The following SHQ1 variants were observed in gnomAD, a reference collection of about 807,000 sequenced individuals.
SHQ1 encodes protein SHQ1 homolog.
In SHQ1, 49 loss-of-function variants were observed where a neutral mutation model predicts 53.8. That is an observed-to-expected ratio of 0.91 (90% confidence interval 0.72 to 1.16). The LOEUF (loss-of-function observed/expected upper bound fraction) is 1.16, where lower values mean the gene tolerates loss of function less well. SHQ1 is among the 50% of genes most tolerant of loss of function. The pLI is 0.00. For synonymous variants in SHQ1, 243 were observed against 251.0 expected, an observed-to-expected ratio of 0.97 and a Z score of 0.30; for missense variants, 738 against 683.1, an observed-to-expected ratio of 1.08 and a Z score of -0.90.
chr3:72,726,544 GT>G, the SHQ1 span, among the ~76,000 whole-genome samples: 14 of 152,256 alleles, frequency 9.2e-5, 2 homozygotes, highest in South Asian at 2.9e-3. Flanking sequence ...TAGCAACGGG[GT>G]TTTGCCATGT....
chr3:72,825,361 TACACAC>T (rs61048915), intron 5 of SHQ1, among the ~76,000 whole-genome samples: 94 of 141,960 alleles, frequency 6.6e-4, no homozygotes, highest in South Asian at 1.9e-3. Flanking sequence ...TAAAAGGGGC[TACACAC>T]ACACACACAC....
chr3:72,757,384 T>C (rs1024425936), intron 10 of SHQ1, among the ~76,000 whole-genome samples: 29 of 150,012 alleles, frequency 1.9e-4, no homozygotes, highest in Non-Finnish European at 7.4e-5. Flanking sequence ...CTCTTTCCTT[T>C]TTTTTTTTTT....
In SHQ1 at chr3:72,750,331, G is replaced by A. The variant is rs571050907; in HGVS notation, c.1687C>T (p.Arg563Cys). 1.2e-4 allele frequency: 186 copies of A among 1,613,930 alleles called. No homozygotes were observed. Among genetic ancestry groups the A allele is most frequent in the South Asian group, 9.1e-4 (83 of 91,028 alleles). Residue 563 changes from arginine to cysteine, a missense_variant, in exon 11 of 11, where the codon CGC (arginine) becomes TGC (cysteine). Physicochemically the swap from Arg to Cys is radical, Grantham distance 180 (BLOSUM62 -3). Transcript: ENST00000325599. ...SEPKGTTAVN[R>C]SNIQERDGCQ... is the part of the protein sequence containing the mutation. The stretch of plus-strand genomic sequence containing the variant: ...CCGTCTCTCTCCTGAATATTGCTGC[G>A]GTTTACAGCAGTGGTGCCCTTGGGT...
intron 10 of SHQ1, among the ~76,000 whole-genome samples, chr3:72,755,043 C>A (rs1468873173): frequency 1.3e-5 from 2 of 152,138 alleles, no homozygotes; most frequent in Non-Finnish European, 2.9e-5. Flanking sequence ...AATCCTGGCT[C>A]TTCTCAGAAA....
intron 10 of SHQ1, among the ~76,000 whole-genome samples, chr3:72,783,272 T>C (rs1441922536): frequency 6.6e-6 from 1 of 152,130 alleles, no homozygotes; most frequent in African/African-American, 2.4e-5. Context: ...AAATGGTTCA[T>C]ATGTATCTCC....
intron 9 of SHQ1, among the ~76,000 whole-genome samples, chr3:72,800,488 G>A (rs1175576379): frequency 1.3e-5 from 2 of 152,186 alleles, no homozygotes; most frequent in Non-Finnish European, 2.9e-5. Context: ...GCAAGAATCA[G>A]AACTGGAAAT....
chr3:72,795,116 T>C (rs1242659204), intron 9 of SHQ1: 1 of 152,240 alleles, frequency 6.6e-6, no homozygotes, highest in African/African-American at 2.4e-5. Context: ...AAGTAGGTAG[T>C]AAGTCTGAAA....
chr3:72,741,584 CAAAT>C, the SHQ1 span, among the ~76,000 whole-genome samples: 1 of 140,290 alleles, frequency 7.1e-6, no homozygotes, highest in African/African-American at 2.6e-5. Context: ...GACTCTGTCT[CAAAT>C]AAAAAAAAAA....
chr3:72,784,227 T>G (rs1159176716), intron 10 of SHQ1, among the ~76,000 whole-genome samples: 1 of 152,132 alleles, frequency 6.6e-6, no homozygotes, highest in African/African-American at 2.4e-5. Flanking sequence ...TATAATTCTT[T>G]TGTTAGTTTT....
the SHQ1 span, among the ~76,000 whole-genome samples, chr3:72,727,233 C>A: frequency 6.6e-6 from 1 of 152,078 alleles, no homozygotes; most frequent in African/African-American, 2.4e-5. Context: ...GGGTTTGAGG[C>A]TCCCCGTAGT....
chr3:72,729,174 G>A, the SHQ1 span, among the ~76,000 whole-genome samples: 1 of 152,188 alleles, frequency 6.6e-6, no homozygotes, highest in South Asian at 2.1e-4. Flanking sequence ...TGACTTGTGT[G>A]CCAGGAGCAT....
intron 10 of SHQ1, among the ~76,000 whole-genome samples, chr3:72,785,273 G>T (rs1012124874): frequency 6.6e-6 from 1 of 152,198 alleles, no homozygotes; most frequent in Non-Finnish European, 1.5e-5. Context: ...AGTTCCAGGG[G>T]ATAACCTATA....
intron 9 of SHQ1, among the ~76,000 whole-genome samples, chr3:72,801,608 G>A (rs1706791876): frequency 6.6e-6 from 1 of 152,084 alleles, no homozygotes; most frequent in Admixed American, 6.5e-5. Context: ...GTATGTCAAG[G>A]TAAAAAAGGA....
At chr3:72,751,728 A>ATT (rs147455964) in intron 10 of SHQ1, among the ~76,000 whole-genome samples, 2 of 151,536 alleles carry the variant, frequency 1.3e-5, no homozygotes, top group Non-Finnish European at 2.9e-5. Flanking sequence ...TGTCAGATAT[A>ATT]TTTTTTATTG....
intron 10 of SHQ1, among the ~76,000 whole-genome samples, chr3:72,754,595 G>A (rs926883874): frequency 7.2e-5 from 11 of 152,034 alleles, no homozygotes; most frequent in African/African-American, 2.7e-4. Flanking sequence ...TGGTCAGGCT[G>A]GTCTTGAACT....
intron 5 of SHQ1, among the ~76,000 whole-genome samples, chr3:72,827,816 G>A (rs1056637279): frequency 6.1e-5 from 9 of 146,398 alleles, no homozygotes; most frequent in East Asian, 4.0e-4. Flanking sequence ...GTGCAGTGGC[G>A]CAATCTCGGC....
chr3:72,777,542 G>GTT (rs1705984011), intron 10 of SHQ1, among the ~76,000 whole-genome samples: 1 of 152,190 alleles, frequency 6.6e-6, no homozygotes, highest in Non-Finnish European at 1.5e-5. Flanking sequence ...TCTGAACCAT[G>GTT]TAAGTGTTGG....
intron 10 of SHQ1, among the ~76,000 whole-genome samples, chr3:72,779,587 C>T (rs895455700): frequency 1.1e-4 from 16 of 152,164 alleles, no homozygotes; most frequent in Non-Finnish European, 1.2e-4. Context: ...CATTGGCAGG[C>T]CCCTGGCAGA....
chr3:72,796,648 C>T (rs1328098130), intron 9 of SHQ1, among the ~76,000 whole-genome samples: 1 of 151,344 alleles, frequency 6.6e-6, no homozygotes, highest in Non-Finnish European at 1.5e-5. Context: ...TGGTGAAACC[C>T]CATCTCTACA....
Sources: allele counts gnomAD v4.1 joint callset (sites outside exome capture counted in the v4.1 genomes callset), GRCh38; gene constraint gnomAD v4.1.1; transcripts MANE v1.5; gene names NCBI Gene and HGNC (gene_info 2026-07-23, HGNC 2026-07-21).